Variants in FER1L5 observed in about 807,000 individuals in gnomAD.
The protein encoded by FER1L5 is fer-1-like protein 5.
In FER1L5, 187 loss-of-function variants were observed where a neutral mutation model predicts 279.9. The observed-to-expected ratio is 0.67, with a 90% confidence interval of 0.59 to 0.75. The LOEUF (loss-of-function observed/expected upper bound fraction) is 0.75, where lower values mean the gene tolerates loss of function less well. Ranked by LOEUF, FER1L5 falls within the 30% of genes least tolerant of loss-of-function variation. The pLI, the probability that FER1L5 is intolerant of heterozygous loss-of-function variation, is 0.00. For missense variants in FER1L5, 2,091 were observed against 2,594.4 expected, an observed-to-expected ratio of 0.81 and a Z score of 4.21; for synonymous variants, 921 against 989.7, an observed-to-expected ratio of 0.93 and a Z score of 1.30.
rs568474485 is a variant in FER1L5, at chr2:96,684,370, C to G, written c.1713C>G (p.Val571=). The change falls in exon 20 of 53, where the codon GTC becomes GTG. Residue 571 remains valine (V), a synonymous_variant. Transcript: ENST00000624922. ...HYVPWYNTKP[V]VAVTSNWEDV... ...TGCCCTGGTACAACACCAAGCCTGT[C>G]GTGGCCGTGACCTCCAACTGGGAGG... 2.3e-4 allele frequency: 358 copies of G among 1,551,672 alleles called. 4 individuals are homozygous for G. In the South Asian group the frequency reaches 4.0e-3, roughly 17 times the overall value.
At chr2:96,672,160 C>T (rs1188696077) in intron 18 of FER1L5, among the ~76,000 whole-genome samples, 1 of 152,182 alleles carries the variant, frequency 6.6e-6, no homozygotes, top group Non-Finnish European at 1.5e-5. Flanking sequence ...CTCACCACAA[C>T]CTCCACCTCC....
rs1558872737 is a variant in FER1L5 at position 96,670,103 on chromosome 2, C to A, written c.1363-16C>A. ...TCTCTCACCCCTTTTCTCCGTTTTC[C>A]TCTCGCTTGCCCTAGTGTATTCCCG... On this transcript the variant is annotated splice_polypyrimidine_tract_variant and intron_variant, in intron 17 of 52. Coordinates refer to ENST00000624922, the MANE Select transcript of FER1L5 (RefSeq NM_001293083.2). 4 of 1,551,442 alleles carry A rather than the reference C, an allele frequency of 2.6e-6. No homozygotes were observed. The highest frequency in any genetic ancestry group is 3.5e-6 in the Non-Finnish European group (4 of 1,146,874).
chr2:96,679,160 G>C (rs541139949), intron 19 of FER1L5, among the ~76,000 whole-genome samples: 1 of 151,964 alleles, frequency 6.6e-6, no homozygotes. Flanking sequence ...AGACCAGCCT[G>C]GGCAACATGG....
At chr2:96,665,283 C>T (rs1167816870) in intron 14 of FER1L5, among the ~76,000 whole-genome samples, 5 of 152,170 alleles carry the variant, frequency 3.3e-5, no homozygotes, top group Non-Finnish European at 5.9e-5. Context: ...TTGTGAAATA[C>T]AAAATTAGCT....
At position 96,696,037 on chromosome 2, in the gene FER1L5, G is replaced by A. The variant is rs374885884; in HGVS notation, c.4058-15G>A. The A allele has an allele frequency of 3.1e-5, 50 of 1,613,694 alleles. No individual in the cohort carries two copies. Among genetic ancestry groups the A allele is most frequent in the Middle Eastern group, 1.6e-4 (1 of 6,084 alleles). On this transcript the variant is annotated splice_polypyrimidine_tract_variant and intron_variant, in intron 36 of 52. Transcript: ENST00000624922. ...TCCCCATCCTGAGACTCGTCCCTGC[G>A]CTCTCCCCGCACAGCGCTGTCTGAG... is the stretch of plus-strand genomic sequence containing the variant.
At chr2:96,664,536 T>C (rs1271954842) in intron 14 of FER1L5, among the ~76,000 whole-genome samples, 5 of 152,270 alleles carry the variant, frequency 3.3e-5, no homozygotes, top group African/African-American at 1.2e-4. Flanking sequence ...TATTCCTTTT[T>C]GTTGCTAAGT....
chr2:96,662,219 A>G lies in FER1L5; in HGVS notation c.1023A>G (p.Lys341=), dbSNP rs917678820. The G allele has an allele frequency of 5.2e-6, 8 of 1,551,598 alleles. No individual in the cohort carries two copies. The East Asian group carries it at 1.7e-4, about 33-fold the overall frequency. The change falls in exon 13 of 53, where the codon AAA becomes AAG. Residue 341 remains lysine, a synonymous_variant. Transcript: ENST00000624922. The stretch of plus-strand genomic sequence containing the variant: ...CTTTTAACTTGTTGTTCATAGAGAA[A>G]CACCAGTCAGTGAATCCTCAGTTGG... The part of the protein sequence containing the change: ...IYCAEDLHLK[K]HQSVNPQLEV...
chr2:96,676,967 C>T (rs1185844405), intron 19 of FER1L5, among the ~76,000 whole-genome samples: 3 of 152,198 alleles, frequency 2.0e-5, no homozygotes, highest in East Asian at 1.9e-4. Context: ...TCAGCCTCCC[C>T]AGTAGCTGGG....
chr2:96,647,408 C>T (rs1000704463), intron 3 of FER1L5, among the ~76,000 whole-genome samples: 1 of 152,228 alleles, frequency 6.6e-6, no homozygotes, highest in Non-Finnish European at 1.5e-5. Context: ...CTGCTTCTCT[C>T]TGCCCAACCC....
At chr2:96,655,459 A>G (rs1159881858) in intron 9 of FER1L5, among the ~76,000 whole-genome samples, 1 of 152,226 alleles carries the variant, frequency 6.6e-6, no homozygotes. Context: ...ATGTGTATTA[A>G]GAAAGTAGTC....
At chr2:96,676,856 C>A (rs2076527574) in intron 19 of FER1L5, among the ~76,000 whole-genome samples, 1 of 151,892 alleles carries the variant, frequency 6.6e-6, no homozygotes, top group Non-Finnish European at 1.5e-5. Flanking sequence ...CTTTGTTATA[C>A]CTTTTTTTAA....
chr2:96,652,385 AG>A (rs1439027173), intron 7 of FER1L5: 1 of 236,862 alleles, frequency 4.2e-6, no homozygotes, highest in African/African-American at 2.2e-5. Flanking sequence ...GATACACAGT[AG>A]GTGCTCCATA....
rs2077517772 is a variant in FER1L5, at chr2:96,699,632, G to A, written c.4693G>A (p.Asp1565Asn). ...TGACTTCGACCTATTTTCACCTGATGATAAGATAGGAACCACAGTCATCGA... is the reference window on the plus strand; with the variant it reads ...TGACTTCGACCTATTTTCACCTGATAATAAGATAGGAACCACAGTCATCGA... ...LYDFDLFSPD[D>N]KIGTTVIDLE... The change falls in exon 43 of 53, where the codon GAT (aspartate) becomes AAT (asparagine). Residue 1565 changes from aspartate (D) to asparagine (N), a missense_variant. Coordinates refer to ENST00000624922, the MANE Select transcript of FER1L5 (RefSeq NM_001293083.2). 1 of 1,614,056 alleles carries A rather than the reference G, an allele frequency of 6.2e-7. No individual in the cohort carries two copies. The highest frequency in any genetic ancestry group is 1.3e-5 in the African/African-American group (1 of 75,054).
Position 96,650,016 on chromosome 2 carries a change from GC to G in FER1L5, c.395-161del, listed in dbSNP as rs536447890. ...ATCCATAGTTCCTGAGCATGAAGGG[GC>G]CCATGGTAATGTTCTGGGGAGGACA... On this transcript the variant is annotated intron_variant, in intron 5 of 52. Transcript: ENST00000624922. 2.0e-5 allele frequency among the ~76,000 whole-genome samples: 3 copies of G among 152,228 alleles called. No homozygotes were observed. In the South Asian group the frequency reaches 6.2e-4, roughly 32 times the overall value.
chr2:96,672,281 T>C (rs2076356091), intron 18 of FER1L5, among the ~76,000 whole-genome samples: 1 of 151,930 alleles, frequency 6.6e-6, no homozygotes, highest in African/African-American at 2.4e-5. Flanking sequence ...TTTCACCACA[T>C]TGGCCAGGAT....
At chr2:96,648,972 A>G (rs1323668719) in intron 4 of FER1L5, among the ~76,000 whole-genome samples, 2 of 135,462 alleles carry the variant, frequency 1.5e-5, no homozygotes, top group East Asian at 4.7e-4. Context: ...CAGCCCAGGC[A>G]GGGGCATAAA....
chr2:96,665,087 G>A (rs988165373), intron 14 of FER1L5, among the ~76,000 whole-genome samples: 7 of 152,142 alleles, frequency 4.6e-5, no homozygotes, highest in South Asian at 2.1e-4. Flanking sequence ...TCTTGAAGGC[G>A]GAGTCTTACT....
In FER1L5 at chr2:96,699,669, G is replaced by A. The variant is rs533378157; in HGVS notation, c.4730G>A (p.Arg1577Gln). 23 of 1,613,976 alleles carry A rather than the reference G, an allele frequency of 1.4e-5. No individual in the cohort carries two copies. The highest frequency in any genetic ancestry group is 2.7e-5 in the African/African-American group (2 of 75,032). ...IGTTVIDLENRLLSGFGAHCG... is the reference protein window; with the variant it reads ...IGTTVIDLENQLLSGFGAHCG... ...ACCACAGTCATCGACCTTGAAAACC[G>A]ACTCCTATCTGGCTTTGGAGCTCAT... is the stretch of plus-strand genomic sequence containing the variant. Residue 1577 changes from arginine (R) to glutamine (Q), a missense_variant, in exon 43 of 53, where the codon CGA (arginine) becomes CAA (glutamine). Transcript: ENST00000624922.
In FER1L5 at chr2:96,689,657, A is replaced by G. The variant is rs1332408401; in HGVS notation, c.2539A>G (p.Ile847Val). The change falls in exon 26 of 53, where the codon ATA becomes GTA. Residue 847 changes from isoleucine to valine, a missense_variant. By Grantham distance (29) the Ile-to-Val change is conservative. Transcript: ENST00000624922. This position sits in a 1 kb window ranked among gnomAD's most constrained non-coding sequence, Gnocchi z 4.6. The stretch of plus-strand genomic sequence containing the variant: ...CATTACCCCCAGGCTCCTCCTGGAC[A>G]TAGACATCAACAAGAGCCAGGTGCT... ...VEPQRRLLLD[I>V]DINKSQVLEE... is the part of the protein sequence containing the mutation. The G allele has an allele frequency of 1.4e-5, 21 of 1,551,168 alleles. No individual in the cohort carries two copies. The South Asian group carries it at 2.4e-4, about 18-fold the overall frequency.
Sources: gnomAD v4.1 joint callset for allele counts (sites outside exome capture counted in the v4.1 genomes callset) on GRCh38, gnomAD v4.1.1 for gene constraint, Gnocchi (gnomAD v3.1) non-coding constraint, MANE v1.5 for transcripts, NCBI Gene and HGNC (gene_info 2026-07-23, HGNC 2026-07-21) for gene names.